The following NME7 variants were observed in gnomAD, a reference collection of about 807,000 sequenced individuals.
NME7 encodes nucleoside diphosphate kinase 7.
A neutral mutation model predicts 49.1 loss-of-function variants in NME7; 41 were observed. That is an observed-to-expected ratio of 0.83 (90% confidence interval 0.65 to 1.08). The LOEUF (loss-of-function observed/expected upper bound fraction) is 1.08, where lower values mean the gene tolerates loss of function less well. Ranked by LOEUF, NME7 falls within the 50% of genes least tolerant of loss-of-function variation. NME7 has a pLI of 0.00. For missense variants in NME7, 423 were observed against 463.4 expected (o/e 0.91, Z 0.80); for synonymous variants, 139 against 150.6 (o/e 0.92, Z 0.56).
Position 169,136,512 on chromosome 1 carries a change from G to A in NME7, c.1099-3695C>T, listed in dbSNP as rs1658437224. On this transcript the variant is annotated intron_variant, in intron 11 of 11. Coordinates refer to ENST00000367811, the MANE Select transcript of NME7 (RefSeq NM_013330.5). ...GAAATGTTGGGGTGGGGTAGAGGTA[G>A]GGGGTCACAGGGGAGTGTCCAAACA... Among the ~76,000 whole-genome samples the A allele has an allele frequency of 2.0e-5, 3 of 152,172 alleles. No homozygotes were observed. In the South Asian group the frequency reaches 6.2e-4, roughly 32 times the overall value.
At chr1:169,186,243 T>C (rs1049507481) in intron 10 of NME7, among the ~76,000 whole-genome samples, 25 of 152,236 alleles carry the variant, frequency 1.6e-4, no homozygotes, top group African/African-American at 1.4e-4. Context: ...AGGTTGAGAA[T>C]TGAAACCTGA....
At chr1:169,286,543 C>G (rs1291533390) in intron 7 of NME7, 3 of 152,070 alleles carry the variant, frequency 2.0e-5, no homozygotes, top group Non-Finnish European at 4.4e-5. Context: ...CAAACTCTTT[C>G]TCTTTATATA....
rs1650314521 is a variant in NME7, at chr1:169,287,326, A to C, written c.731T>G (p.Val244Gly). 1.2e-6 allele frequency: 2 copies of C among 1,612,338 alleles called. No individual in the cohort carries two copies. ...ACCTTCACTGACAGCATGGGGTTTA[A>C]CAATGCAACAGGTACAATTAGTAAA... ...AKFTNCTCCIVKPHAVSEGLL... is the reference protein window; with the variant it reads ...AKFTNCTCCIGKPHAVSEGLL... Residue 244 changes from valine to glycine, a missense_variant, in exon 7 of 12, where the codon GTT becomes GGT. Coordinates refer to ENST00000367811, the MANE Select transcript of NME7 (RefSeq NM_013330.5).
At chr1:169,246,278 C>A (rs1571322375) in intron 7 of NME7, among the ~76,000 whole-genome samples, 1 of 152,188 alleles carries the variant, frequency 6.6e-6, no homozygotes, top group Non-Finnish European at 1.5e-5. Context: ...TGCAATCCAG[C>A]CTGGGTGACA....
At chr1:169,315,112 C>T (rs1317725641) in intron 3 of NME7, among the ~76,000 whole-genome samples, 1 of 151,918 alleles carries the variant, frequency 6.6e-6, no homozygotes, top group Non-Finnish European at 1.5e-5. Flanking sequence ...TTTAATAAAA[C>T]CTTGGCAATT....
At chr1:169,145,885 G>A (rs1346147854) in intron 11 of NME7, among the ~76,000 whole-genome samples, 2 of 152,226 alleles carry the variant, frequency 1.3e-5, no homozygotes, top group African/African-American at 4.8e-5. Flanking sequence ...TATAATATGA[G>A]AGTATAGTGG....
At chr1:169,257,502 T>C (rs34794230) in intron 7 of NME7, among the ~76,000 whole-genome samples, 7 of 132,942 alleles carry the variant, frequency 5.3e-5, no homozygotes, top group African/African-American at 1.8e-4. Context: ...ACCTCAGATG[T>C]AAATGCAGAA....
At position 169,137,713 on chromosome 1, in the gene NME7, C is replaced by T. The variant is rs1658472274; in HGVS notation, c.1099-4896G>A. 2.0e-5 allele frequency among the ~76,000 whole-genome samples: 3 copies of T among 152,080 alleles called. No homozygotes were observed. The South Asian group carries it at 6.2e-4, about 32-fold the overall frequency. On this transcript the variant is annotated intron_variant, in intron 11 of 11. Transcript: ENST00000367811. ...CCAAGGCACTACTTACTTTTCAGCT[C>T]CCAAAATATGGGGCTCAGAAGTGGT...
chr1:169,154,539 G>C (rs1486588336), intron 11 of NME7, among the ~76,000 whole-genome samples: 1 of 151,660 alleles, frequency 6.6e-6, no homozygotes, highest in Non-Finnish European at 1.5e-5. Flanking sequence ...CAAGCACGGT[G>C]GCTCACACCT....
intron 3 of NME7, among the ~76,000 whole-genome samples, chr1:169,319,532 T>C (rs10753786): frequency 0.56 from 85,554 of 151,910 alleles, 24,428 homozygotes; most frequent in Admixed American, 0.6. Flanking sequence ...ACAGGTCTCA[T>C]CTAAAATACG....
chr1:169,207,440 G>A (rs1660703055), intron 10 of NME7, among the ~76,000 whole-genome samples: 1 of 152,046 alleles, frequency 6.6e-6, no homozygotes, highest in Non-Finnish European at 1.5e-5. Flanking sequence ...AAAGCCATAG[G>A]GGTCTGTAGA....
chr1:169,310,808 T>C (rs1283944247), intron 3 of NME7: 1 of 152,136 alleles, frequency 6.6e-6, no homozygotes, highest in Non-Finnish European at 1.5e-5. Context: ...GTCAGCAACA[T>C]TTTCAGGACA....
rs1338572423 is a variant in NME7 at position 169,272,071 on chromosome 1, G to T, written c.754+15232C>A. On this transcript the variant is annotated intron_variant, in intron 7 of 11. Transcript: ENST00000367811. Reference sequence around the variant, plus strand: ...CAAAGTTTATTCTGCCATCTGAGTAGATTTTTACAAAAATTTCTTTGCCTT... The same window carrying T: ...CAAAGTTTATTCTGCCATCTGAGTATATTTTTACAAAAATTTCTTTGCCTT... Among the ~76,000 whole-genome samples, 3 of 131,516 alleles carry T rather than the reference G, an allele frequency of 2.3e-5. 1 individual carries two copies. Among genetic ancestry groups the T allele is most frequent in the South Asian group, 2.3e-4 (1 of 4,332 alleles). 86.3% of individuals were successfully genotyped at this position (131,516 alleles called of 152,430 possible). A position where few individuals can be genotyped will look rare whatever the true frequency, so the allele number is the denominator to read the frequency against.
At chr1:169,231,315 C>T (rs566109445) in intron 9 of NME7, among the ~76,000 whole-genome samples, 1 of 152,236 alleles carries the variant, frequency 6.6e-6, no homozygotes, top group South Asian at 2.1e-4. Flanking sequence ...CAGCACAGGT[C>T]TATGACCCCT....
At chr1:169,169,143 A>C in intron 11 of NME7, 1 of 435,532 alleles carries the variant, frequency 2.3e-6, no homozygotes, top group Middle Eastern at 3.5e-4. Flanking sequence ...TGCAGTCCAA[A>C]ATCATCAGAT....
At chr1:169,330,274 G>A (rs1232362228) in intron 1 of NME7, among the ~76,000 whole-genome samples, 1 of 152,134 alleles carries the variant, frequency 6.6e-6, no homozygotes, top group African/African-American at 2.4e-5. Context: ...ACTGGTAATA[G>A]TAAGTACACA....
At chr1:169,308,670 C>CT (rs145700840) in intron 4 of NME7, among the ~76,000 whole-genome samples, 4,612 of 152,084 alleles carry the variant, frequency 0.03, 109 homozygotes, top group Non-Finnish European at 0.043. Flanking sequence ...TAAAGGATCT[C>CT]TAAAAAAAAC....
chr1:169,322,629 A>G (rs1044699034), intron 3 of NME7: 1 of 150,908 alleles, frequency 6.6e-6, no homozygotes, highest in Non-Finnish European at 1.5e-5. Context: ...TACAACACTC[A>G]CATTGTCATT....
At chr1:169,299,822 C>T (rs1384883100) in intron 5 of NME7, among the ~76,000 whole-genome samples, 2 of 152,102 alleles carry the variant, frequency 1.3e-5, no homozygotes, top group African/African-American at 4.8e-5. Context: ...TTCTGCCAGA[C>T]CTTTGCTGCC....
Sources: allele counts gnomAD v4.1 joint callset (sites outside exome capture counted in the v4.1 genomes callset), GRCh38; gene constraint gnomAD v4.1.1; transcripts MANE v1.5; gene names NCBI Gene and HGNC (gene_info 2026-07-23, HGNC 2026-07-21).